The following LRRC9 variants were observed in gnomAD, a reference collection of about 807,000 sequenced individuals.
LRRC9 encodes leucine rich repeat containing 9.
Under a neutral mutation model 63.2 loss-of-function variants are expected in LRRC9, and 122 were observed. The ratio of observed to expected loss-of-function variants is 1.93; its 90% CI spans 1.67 to 2.24. The LOEUF (loss-of-function observed/expected upper bound fraction) is 2.24. Among genes scored for constraint, LRRC9 ranks in the 30% most tolerant of loss-of-function variants. The probability of loss-of-function intolerance (pLI) is 0.00; values close to 1 mark genes in which losing one functional copy is unlikely to be tolerated. For synonymous variants in LRRC9, 366 were observed against 213.1 expected, an observed-to-expected ratio of 1.72 and a Z score of -6.25; for missense variants, 1,071 against 627.7, an observed-to-expected ratio of 1.71 and a Z score of -7.55.
intron 31 of LRRC9, among the ~76,000 whole-genome samples, chr14:60,062,705 A>G (rs1047701193): frequency 8.5e-5 from 13 of 152,268 alleles, no homozygotes; most frequent in African/African-American, 2.9e-4. Flanking sequence ...TCTCATTAAG[A>G]ATACACTCTT....
intron 25 of LRRC9, 128 bp from the exon 26 acceptor site, chr14:60,018,993 T>C: frequency 2.2e-6 from 1 of 463,458 alleles, no homozygotes; most frequent in Non-Finnish European, 3.8e-6. Flanking sequence ...ATCTAGATTA[T>C]TTAGGATATA....
rs146562568 is a variant in LRRC9, at chr14:59,991,463, G to A, written c.2212-6193G>A. On this transcript the variant is annotated intron_variant, in intron 17 of 31. Transcript: ENST00000445360. Reference sequence around the variant, plus strand: ...TCATCTCACTGGGGAGTGTCGGAAAGTGGGTGCAGAACAGTGGGTGCAGCA... The same window carrying A: ...TCATCTCACTGGGGAGTGTCGGAAAATGGGTGCAGAACAGTGGGTGCAGCA... 2.2e-3 allele frequency among the ~76,000 whole-genome samples: 337 copies of A among 152,268 alleles called. 2 individuals carry two copies. Among genetic ancestry groups the A allele is most frequent in the African/African-American group, 7.8e-3 (326 of 41,542 alleles).
At chr14:59,967,363 A>C in intron 12 of LRRC9, 150 bp downstream of exon 12, 1 of 449,628 alleles carries the variant, frequency 2.2e-6, no homozygotes, top group Non-Finnish European at 4.0e-6. Context: ...CATGGAAAGT[A>C]TAGCATCTTT....
intron 12 of LRRC9, among the ~76,000 whole-genome samples, chr14:59,972,472 A>C (rs1457166097): frequency 1.1e-4 from 17 of 152,074 alleles, no homozygotes; most frequent in Admixed American, 1.1e-3. Flanking sequence ...CATGTTTCAT[A>C]TTAGTTTTGT....
At position 59,936,816 on chromosome 14, in the gene LRRC9, C is replaced by T. The variant is rs552973622; in HGVS notation, c.544-1574C>T. Among the ~76,000 whole-genome samples the T allele has an allele frequency of 3.9e-4, 60 of 152,306 alleles. 1 individual carries two copies. The highest frequency in any genetic ancestry group is 1.3e-3 in the African/African-American group (54 of 41,580). On this transcript the variant is annotated intron_variant, in intron 6 of 31. Transcript: ENST00000445360. This position sits in a 1 kb window ranked among gnomAD's most constrained non-coding sequence, Gnocchi z 4.2. ...GAGAGTTTGGAAATACATTAACCGC[C>T]TCAACCTGTATTACTCTTGCTTCCA...
At position 59,942,974 on chromosome 14, in the gene LRRC9, T is replaced by C. The variant is rs1881947454; in HGVS notation, c.727-1615T>C. Among the ~76,000 whole-genome samples the C allele has an allele frequency of 6.6e-6, 1 of 151,988 alleles. No homozygotes were observed. The highest frequency in any genetic ancestry group is 2.1e-4 in the South Asian group (1 of 4,816). On this transcript the variant is annotated intron_variant, in intron 7 of 31. Coordinates refer to ENST00000445360, the Ensembl canonical transcript of LRRC9. The surrounding 1 kb of genome is among the most constrained non-coding windows in gnomAD (Gnocchi z 5.3). The stretch of plus-strand genomic sequence containing the variant: ...CTTTTGGTTGGATTATTTGTGTGTG[T>C]GTGTTTCATTTGTGTGTGCGTATGT...
In LRRC9 at chr14:60,004,458, T is replaced by C. The variant is rs1889644601; in HGVS notation, c.2842+660T>C. Among the ~76,000 whole-genome samples, 3 of 152,060 alleles carry C rather than the reference T, an allele frequency of 2.0e-5. No individual in the cohort carries two copies. Among genetic ancestry groups the C allele is most frequent in the African/African-American group, 7.2e-5 (3 of 41,434 alleles). ...AAGTCCAATTAAGCAGCTTTAGTAA[T>C]ATCTTAATAATAATGATACCAATAT... On this transcript the variant is annotated intron_variant, in intron 21 of 31. Transcript: ENST00000445360. The surrounding 1 kb of genome is among the most constrained non-coding windows in gnomAD (Gnocchi z 4.8).
chr14:59,960,639 G>T (rs969915145), intron 9 of LRRC9, among the ~76,000 whole-genome samples: 3 of 152,150 alleles, frequency 2.0e-5, no homozygotes, highest in Non-Finnish European at 4.4e-5. Flanking sequence ...GGCATAAAAA[G>T]TCCAAGTGAC....
At chr14:60,002,648 T>G (rs1889479521) in intron 20 of LRRC9, among the ~76,000 whole-genome samples, 1 of 152,158 alleles carries the variant, frequency 6.6e-6, no homozygotes, top group Non-Finnish European at 1.5e-5. Context: ...AAGTAATACA[T>G]TTGTCATATT....
intron 5 of LRRC9, 118 bp from the exon 6 acceptor site, chr14:59,931,851 A>G (rs2139784819): frequency 1.6e-6 from 1 of 616,864 alleles, no homozygotes; most frequent in South Asian, 2.0e-5. Flanking sequence ...TACTAATTAT[A>G]CAATGGTACC....
intron 23 of LRRC9, among the ~76,000 whole-genome samples, chr14:60,010,348 G>A (rs950893641): frequency 6.6e-6 from 1 of 152,206 alleles, no homozygotes; most frequent in African/African-American, 2.4e-5. Flanking sequence ...ACCCTCTGAA[G>A]CCACAGCTTG....
intron 26 of LRRC9, among the ~76,000 whole-genome samples, chr14:60,020,028 T>C (rs1405357174): frequency 6.6e-6 from 1 of 151,828 alleles, no homozygotes; most frequent in Non-Finnish European, 1.5e-5. Context: ...TTAATGAATT[T>C]TGACAAATGT....
intron 8 of LRRC9, among the ~76,000 whole-genome samples, chr14:59,945,227 A>G (rs1882234003): frequency 6.6e-6 from 1 of 151,890 alleles, no homozygotes; most frequent in African/African-American, 2.4e-5. Flanking sequence ...TGTTAGTAGT[A>G]TGTATGCATT....
Position 60,022,726 on chromosome 14 carries a change from T to C in LRRC9, c.3567-8T>C. ...GTTTATGGCCTCAAACTTACCTATG[T>C]GTTTCAGAGATATAATGAGCAGTGA... On this transcript the variant is annotated splice_polypyrimidine_tract_variant and splice_region_variant and intron_variant, in intron 26 of 31. Coordinates refer to ENST00000445360, the Ensembl canonical transcript of LRRC9. 1 of 599,676 alleles carries C rather than the reference T, an allele frequency of 1.7e-6. No individual in the cohort carries two copies. Among genetic ancestry groups the C allele is most frequent in the Non-Finnish European group, 3.0e-6 (1 of 329,860 alleles). The allele number at this position is 599,676 out of a possible 1,614,324, so 37.1% of individuals were successfully genotyped here.
intron 12 of LRRC9, among the ~76,000 whole-genome samples, 174 bp downstream of exon 12, chr14:59,967,387 T>C (rs1045338979): frequency 2.0e-5 from 3 of 152,248 alleles, no homozygotes; most frequent in Non-Finnish European, 2.9e-5. Flanking sequence ...CTTTGGATTA[T>C]ACCAAAGTAA....
chr14:59,934,390 A>C (rs1889959018), intron 6 of LRRC9, among the ~76,000 whole-genome samples: 1 of 152,174 alleles, frequency 6.6e-6, no homozygotes, highest in Non-Finnish European at 1.5e-5. Flanking sequence ...TTAGAATACC[A>C]GTGGGGCCAT....
intron 7 of LRRC9, among the ~76,000 whole-genome samples, chr14:59,939,274 G>GTT (rs1437569183): frequency 6.6e-6 from 1 of 151,962 alleles, no homozygotes; most frequent in East Asian, 1.9e-4. Context: ...TTCTCTGAAA[G>GTT]TTTAAGTAGC....
chr14:59,952,749 T>A (rs961068107), intron 8 of LRRC9, among the ~76,000 whole-genome samples: 8 of 152,264 alleles, frequency 5.3e-5, no homozygotes, highest in Non-Finnish European at 1.0e-4. Context: ...TATCAACCTG[T>A]CATCTAGGTT....
rs1284488403 is a variant in LRRC9, at chr14:60,042,204, C to A, written c.3990+10141C>A. Among the ~76,000 whole-genome samples the A allele has an allele frequency of 6.6e-6, 1 of 152,224 alleles. No homozygotes were observed. Among genetic ancestry groups the A allele is most frequent in the Non-Finnish European group, 1.5e-5 (1 of 68,040 alleles). ...TTAGGCTACTTGGGGGTCAGGGACCCACTTGAGGAGGCAGTCTGTCCGTTC... is the reference window on the plus strand; with the variant it reads ...TTAGGCTACTTGGGGGTCAGGGACCAACTTGAGGAGGCAGTCTGTCCGTTC... On this transcript the variant is annotated intron_variant, in intron 29 of 31. Transcript: ENST00000445360. This position sits in a 1 kb window ranked among gnomAD's most constrained non-coding sequence, Gnocchi z 4.2.
Sources: gnomAD v4.1 joint callset for allele counts (sites outside exome capture counted in the v4.1 genomes callset) on GRCh38, gnomAD v4.1.1 for gene constraint, Gnocchi (gnomAD v3.1) non-coding constraint, MANE v1.5 for transcripts, NCBI Gene and HGNC (gene_info 2026-07-23, HGNC 2026-07-21) for gene names.